Variants in TRPC1 observed in about 807,000 individuals in gnomAD.
TRPC1 encodes the protein transient receptor potential cation channel subfamily C member 1.
In TRPC1, 42 loss-of-function variants were observed where a neutral mutation model predicts 88.2. That is an observed-to-expected ratio of 0.48 (90% CI 0.37 to 0.62). The LOEUF is 0.62. TRPC1 is among the 20% of genes least tolerant of loss of function. The pLI is 0.00. For synonymous variants in TRPC1, 288 were observed against 331.8 expected (o/e 0.87, Z 1.43); for missense variants, 699 against 957.3 (o/e 0.73, Z 3.56).
Position 142,807,464 on chromosome 3 carries a change from T to A in TRPC1, c.*1229T>A, listed in dbSNP as rs1319357685. 6.6e-6 allele frequency: 1 copy of A among 152,228 alleles called. No homozygotes were observed. The highest frequency in any genetic ancestry group is 2.4e-5 in the African/African-American group (1 of 41,464). 9.4% of individuals were successfully genotyped at this position (152,228 alleles called of 1,614,324 possible). A position where few individuals can be genotyped will look rare whatever the true frequency, so the allele number is the denominator to read the frequency against. On this transcript the variant is annotated 3_prime_UTR_variant, in exon 13 of 13. Coordinates refer to ENST00000476941, the MANE Select transcript of TRPC1 (RefSeq NM_001251845.2). ...CGCAGCATTTCCAGTTAAGAGGATA[T>A]TAGGTATATAATTCTCTTCTTAACC... is the stretch of plus-strand genomic sequence containing the variant.
chr3:142,739,405 T>C (rs1934260657), intron 2 of TRPC1, among the ~76,000 whole-genome samples: 1 of 152,214 alleles, frequency 6.6e-6, no homozygotes, highest in African/African-American at 2.4e-5. Context: ...ATCTATGGTC[T>C]TACCTATTAT....
intron 4 of TRPC1, 49 bp downstream of exon 4, chr3:142,748,509 A>T: frequency 1.3e-6 from 2 of 1,563,860 alleles, no homozygotes; most frequent in Non-Finnish European, 1.8e-6. Flanking sequence ...TATATCAACA[A>T]TGTTGATTTT....
intron 8 of TRPC1, among the ~76,000 whole-genome samples, chr3:142,791,588 A>G (rs536722945): frequency 6.6e-6 from 1 of 152,200 alleles, no homozygotes; most frequent in Admixed American, 6.5e-5. Flanking sequence ...CCAATTCCTT[A>G]TATCTGACCT....
intron 1 of TRPC1, among the ~76,000 whole-genome samples, chr3:142,733,318 G>A (rs1184127913): frequency 6.6e-6 from 1 of 152,000 alleles, no homozygotes; most frequent in Non-Finnish European, 1.5e-5. Flanking sequence ...TCGAGACCAG[G>A]CTAGCCAACA....
In TRPC1 at chr3:142,724,437, G is replaced by T. The variant is rs1455332086; in HGVS notation, c.-123G>T. 1.0e-6 allele frequency: 1 copy of T among 980,760 alleles called. No homozygotes were observed. The highest frequency in any genetic ancestry group is 1.4e-6 in the Non-Finnish European group (1 of 712,348). 60.8% of individuals were successfully genotyped at this position (980,760 alleles called of 1,614,324 possible). On this transcript the variant is annotated 5_prime_UTR_variant, in exon 1 of 13. Transcript: ENST00000476941. This position sits in a 1 kb window ranked among gnomAD's most constrained non-coding sequence, Gnocchi z 5.6. Reference sequence around the variant, plus strand: ...CTTCGGGGCCAACGGGCCTCGAGCCGAGGCAGCAGTGGGAACGACTCATCC... The same window carrying T: ...CTTCGGGGCCAACGGGCCTCGAGCCTAGGCAGCAGTGGGAACGACTCATCC...
intron 4 of TRPC1, among the ~76,000 whole-genome samples, chr3:142,758,166 CT>C (rs1560102449): frequency 6.6e-6 from 1 of 152,098 alleles, no homozygotes; most frequent in East Asian, 1.9e-4. Flanking sequence ...AACCTCCATA[CT>C]GTTCTCTGGT....
At chr3:142,763,861 A>G (rs1935274853) in intron 4 of TRPC1, among the ~76,000 whole-genome samples, 1 of 150,806 alleles carries the variant, frequency 6.6e-6, no homozygotes, top group South Asian at 2.1e-4. Flanking sequence ...GTTTCATACT[A>G]TCATTACCAT....
intron 4 of TRPC1, among the ~76,000 whole-genome samples, chr3:142,774,120 T>A (rs1226235264): frequency 6.6e-6 from 1 of 152,208 alleles, no homozygotes; most frequent in African/African-American, 2.4e-5. Flanking sequence ...GGGCTGAGGT[T>A]CTGCTAATGC....
intron 2 of TRPC1, among the ~76,000 whole-genome samples, chr3:142,739,312 C>A (rs1934257491): frequency 6.6e-6 from 1 of 152,038 alleles, no homozygotes; most frequent in Non-Finnish European, 1.5e-5. Context: ...GAGGAGGAAA[C>A]AGGTAAAAAA....
chr3:142,748,594 C>T, intron 4 of TRPC1, 134 bp downstream of exon 4: 1 of 849,138 alleles, frequency 1.2e-6, no homozygotes, highest in South Asian at 1.7e-5. Flanking sequence ...AAACTTGTAG[C>T]TCCTTTGTTT....
At chr3:142,737,797 A>G (rs1363526771) in intron 2 of TRPC1, among the ~76,000 whole-genome samples, 1 of 152,190 alleles carries the variant, frequency 6.6e-6, no homozygotes, top group Non-Finnish European at 1.5e-5. Flanking sequence ...GAAGAGTTAA[A>G]TTATATTCAG....
At chr3:142,757,826 T>G (rs1198315643) in intron 4 of TRPC1, among the ~76,000 whole-genome samples, 2 of 151,910 alleles carry the variant, frequency 1.3e-5, no homozygotes, top group Non-Finnish European at 2.9e-5. Flanking sequence ...AAAAAAAAAT[T>G]TTTTTGTGGG....
intron 5 of TRPC1, among the ~76,000 whole-genome samples, chr3:142,779,113 A>G (rs1935876188): frequency 6.6e-6 from 1 of 152,316 alleles, no homozygotes; most frequent in South Asian, 2.1e-4. Flanking sequence ...CAGGATTTGA[A>G]GAAACTGCTA....
chr3:142,724,777 A>T lies in TRPC1; in HGVS notation c.172+46A>T. The T allele has an allele frequency of 6.7e-7, 1 of 1,491,120 alleles. No individual in the cohort carries two copies. The highest frequency in any genetic ancestry group is 9.0e-7 in the Non-Finnish European group (1 of 1,112,356). The allele number at this position is 1,491,120 out of a possible 1,614,324, so 92.4% of individuals were successfully genotyped here. On this transcript the variant is annotated intron_variant, in intron 1 of 12. Transcript: ENST00000476941. This position sits in a 1 kb window ranked among gnomAD's most constrained non-coding sequence, Gnocchi z 5.6. The stretch of plus-strand genomic sequence containing the variant: ...TCCTCTGGACGCCCCTGTCCTCCAG[A>T]CCTTTAGTCCTCTCCCCCGCCTCAA...
intron 1 of TRPC1, among the ~76,000 whole-genome samples, chr3:142,727,599 G>A (rs1020882973): frequency 4.6e-5 from 7 of 152,126 alleles, no homozygotes; most frequent in African/African-American, 1.7e-4. Context: ...TCATCTCAGA[G>A]GTAACATTGA....
intron 4 of TRPC1, among the ~76,000 whole-genome samples, chr3:142,772,656 G>A (rs567756109): frequency 4.0e-5 from 6 of 151,266 alleles, no homozygotes; most frequent in Admixed American, 1.3e-4. Context: ...GCATGGTGGC[G>A]CACACCTGTA....
chr3:142,748,772 A>T (rs1024354573), intron 4 of TRPC1, among the ~76,000 whole-genome samples: 1 of 152,200 alleles, frequency 6.6e-6, no homozygotes, highest in African/African-American at 2.4e-5. Flanking sequence ...TCGTGGAAGG[A>T]GTGGAGATAC....
In TRPC1 at chr3:142,785,033, G is replaced by T; in HGVS notation, c.1290G>T (p.Trp430Cys). ...GAATAGACTATCTTCTTATTCTGTGGATTATTGGTAAGTATCAAGTTAGTT... is the reference window on the plus strand; with the variant it reads ...GAATAGACTATCTTCTTATTCTGTGTATTATTGGTAAGTATCAAGTTAGTT... The part of the protein sequence containing the change: ...LERIDYLLIL[W>C]IIGMIWSDIK... Residue 430 changes from tryptophan to cysteine, a missense_variant, in exon 7 of 13, where the codon TGG becomes TGT. Physicochemically the swap from Trp to Cys is radical, Grantham distance 215. Around this residue, in one of 4 missense-constraint regions of TRPC1, gnomAD observed 426 missense variants for 641.3 expected, o/e 0.66. Coordinates refer to ENST00000476941, the MANE Select transcript of TRPC1 (RefSeq NM_001251845.2). 6.3e-7 allele frequency: 1 copy of T among 1,597,216 alleles called. No homozygotes were observed. Among genetic ancestry groups the T allele is most frequent in the Non-Finnish European group, 8.5e-7 (1 of 1,172,326 alleles).
chr3:142,724,796 G>C lies in TRPC1; in HGVS notation c.172+65G>C. The C allele has an allele frequency of 7.0e-7, 1 of 1,435,056 alleles. No homozygotes were observed. Among genetic ancestry groups the C allele is most frequent in the Admixed American group, 2.5e-5 (1 of 39,946 alleles). 88.9% of individuals were successfully genotyped at this position (1,435,056 alleles called of 1,614,324 possible). ...CTCCAGACCTTTAGTCCTCTCCCCC[G>C]CCTCAACTTATATCGGGGCATTCCC... On this transcript the variant is annotated intron_variant, in intron 1 of 12. Coordinates refer to ENST00000476941, the MANE Select transcript of TRPC1 (RefSeq NM_001251845.2). This position sits in a 1 kb window ranked among gnomAD's most constrained non-coding sequence, Gnocchi z 5.6.
Sources: allele counts gnomAD v4.1 joint callset (sites outside exome capture counted in the v4.1 genomes callset), GRCh38; gene constraint gnomAD v4.1.1; regional missense constraint gnomAD v4.1.1; non-coding constraint Gnocchi (gnomAD v3.1); transcripts MANE v1.5; gene names NCBI Gene and HGNC (gene_info 2026-07-23, HGNC 2026-07-21).